ABCG8: variants seen among roughly 807,000 people sequenced by gnomAD.
ABCG8 encodes the protein ATP binding cassette subfamily G member 8.
Under a neutral mutation model 71.3 loss-of-function variants are expected in ABCG8, and 81 were observed. The ratio of observed to expected loss-of-function variants is 1.14; its 90% CI spans 0.95 to 1.37. ABCG8 has a LOEUF of 1.37. Among genes scored for constraint, ABCG8 ranks in the 40% most tolerant of loss-of-function variants. The pLI is 0.00. For missense variants in ABCG8, 1,119 were observed against 866.2 expected, an observed-to-expected ratio of 1.29 and a Z score of -3.66; for synonymous variants, 451 against 354.7, an observed-to-expected ratio of 1.27 and a Z score of -3.05.
rs72796747 is a variant in ABCG8, at chr2:43,853,103, A to G, written c.964+235A>G. ...TACCCTTCTGTGCATGATAGATTAG[A>G]AACTTGCAAACTCCAAAGATGGGAG... On this transcript the variant is annotated intron_variant, in intron 6 of 12. Coordinates refer to ENST00000272286, the MANE Select transcript of ABCG8 (RefSeq NM_022437.3). Among the ~76,000 whole-genome samples the G allele has an allele frequency of 0.052, 7,952 of 151,858 alleles. 256 individuals carry two copies. The highest frequency in any genetic ancestry group is 0.1 in the Middle Eastern group (30 of 290).
intron 6 of ABCG8, among the ~76,000 whole-genome samples, chr2:43,862,252 G>A (rs199940621): frequency 5.9e-5 from 8 of 134,620 alleles, no homozygotes; most frequent in African/African-American, 2.0e-4. Context: ...AGAATTCTCA[G>A]CATCTGGATA....
rs2954805 is a variant in ABCG8, at chr2:43,882,019, G to C, written c.*4106G>C. 53,671 of 152,034 alleles carry C rather than the reference G, an allele frequency of 0.35. 10,343 individuals carry two copies. Among genetic ancestry groups the C allele is most frequent in the East Asian group, 0.79 (4,067 of 5,178 alleles). 9.4% of individuals were successfully genotyped at this position (152,034 alleles called of 1,614,324 possible). On this transcript the variant is annotated 3_prime_UTR_variant, in exon 13 of 13. Coordinates refer to ENST00000272286, the MANE Select transcript of ABCG8 (RefSeq NM_022437.3). The stretch of plus-strand genomic sequence containing the variant: ...GCAGGTTGCTAGATTTGACCTGAGG[G>C]TGTAGTTTGCAGAGCCTTGGTAAAG...
rs1553383620 is a variant in ABCG8, at chr2:43,873,981, C to T, written c.1406C>T (p.Ser469Phe). 2.5e-6 allele frequency: 4 copies of T among 1,613,852 alleles called. No homozygotes were observed. Among genetic ancestry groups the T allele is most frequent in the Non-Finnish European group, 3.4e-6 (4 of 1,180,046 alleles). The change falls in exon 9 of 13, where the codon TCC (serine) becomes TTC (phenylalanine). Residue 469 changes from serine to phenylalanine, a missense_variant. Ser to Phe is a radical substitution (Grantham distance 155). Transcript: ENST00000272286. ...IPFNVILDVI[S>F]KCYSERAMLY... The stretch of plus-strand genomic sequence containing the variant: ...TTCAACGTCATTCTGGATGTCATCT[C>T]CAAATGTGAGTGTGGCCCACTGGCA...
chr2:43,862,976 T>C (rs897468338), intron 6 of ABCG8, among the ~76,000 whole-genome samples: 3 of 151,502 alleles, frequency 2.0e-5, no homozygotes, highest in Admixed American at 1.3e-4. Flanking sequence ...GATAGAATTC[T>C]CACTGTCTGT....
intron 6 of ABCG8, among the ~76,000 whole-genome samples, chr2:43,858,102 C>G (rs1323023205): frequency 6.6e-6 from 1 of 151,458 alleles, no homozygotes; most frequent in African/African-American, 2.4e-5. Flanking sequence ...GTGTGGAACT[C>G]TCACTATTTA....
At chr2:43,840,367 AC>A (rs1393069803) in intron 1 of ABCG8, among the ~76,000 whole-genome samples, 1 of 152,200 alleles carries the variant, frequency 6.6e-6, no homozygotes, top group Non-Finnish European at 1.5e-5. Context: ...AGTCAGCGGG[AC>A]TTTGGGAACA....
At position 43,880,342 on chromosome 2, in the gene ABCG8, T is replaced by A. The variant is rs1440290803; in HGVS notation, c.*2429T>A. ...GTGCCCACCACCACACCTGGCTAAT[T>A]TTTGTATTTTTAGTAAAGACAGTGT... On this transcript the variant is annotated 3_prime_UTR_variant, in exon 13 of 13. Coordinates refer to ENST00000272286, the MANE Select transcript of ABCG8 (RefSeq NM_022437.3). The A allele has an allele frequency of 6.6e-6, 1 of 151,104 alleles. No individual in the cohort carries two copies. The highest frequency in any genetic ancestry group is 1.5e-5 in the Non-Finnish European group (1 of 67,810). 9.4% of individuals were successfully genotyped at this position (151,104 alleles called of 1,614,324 possible).
At chr2:43,852,507 T>C (rs1372416910) in intron 5 of ABCG8, 21 bp downstream of exon 5, 1 of 1,613,384 alleles carries the variant, frequency 6.2e-7, no homozygotes, top group Non-Finnish European at 8.5e-7. Context: ...GGGGGGCAGA[T>C]GGGGGCAGAG....
chr2:43,860,789 TCTCACCCTCTGGATAGAAC>T, intron 6 of ABCG8, among the ~76,000 whole-genome samples: 8 of 136,994 alleles, frequency 5.8e-5, no homozygotes, highest in Non-Finnish European at 9.7e-5. Flanking sequence ...TGTATAGAAT[TCTCACCCTCTGGATAGAAC>T]TGTCACTATC....
intron 6 of ABCG8, among the ~76,000 whole-genome samples, chr2:43,855,883 T>C (rs1669087282): frequency 6.6e-6 from 1 of 152,196 alleles, no homozygotes; most frequent in Non-Finnish European, 1.5e-5. Context: ...GAACTCTCAC[T>C]ATCTGTCTGG....
At chr2:43,864,869 C>CTCTCACTGTCTATCT (rs1329779581) in intron 6 of ABCG8, among the ~76,000 whole-genome samples, 1 of 149,740 alleles carries the variant, frequency 6.7e-6, no homozygotes, top group Non-Finnish European at 1.5e-5. Flanking sequence ...TCTATCTGGA[C>CTCTCACTGTCTATCT]GGAATTCTCA....
chr2:43,870,671 C>T (rs1160987814), intron 6 of ABCG8, among the ~76,000 whole-genome samples: 1 of 152,040 alleles, frequency 6.6e-6, no homozygotes, highest in Non-Finnish European at 1.5e-5. Flanking sequence ...ATAGAACTCT[C>T]ACTATATGGG....
At position 43,879,603 on chromosome 2, in the gene ABCG8, C is replaced by T. The variant is rs1000774678; in HGVS notation, c.*1690C>T. 2.6e-5 allele frequency: 4 copies of T among 152,254 alleles called. No individual in the cohort carries two copies. Among genetic ancestry groups the T allele is most frequent in the African/African-American group, 9.6e-5 (4 of 41,454 alleles). The allele number at this position is 152,254 out of a possible 1,614,324, so 9.4% of individuals were successfully genotyped here. On this transcript the variant is annotated 3_prime_UTR_variant, in exon 13 of 13. Coordinates refer to ENST00000272286, the MANE Select transcript of ABCG8 (RefSeq NM_022437.3). ...CTGCAGACCCCATTCTTGAGATTGA[C>T]TGGGAGTTCCTATCATGTCCTCCAT...
chr2:43,844,572 G>C lies in ABCG8; in HGVS notation c.129G>C (p.Gln43His). 6.2e-7 allele frequency: 1 copy of C among 1,614,174 alleles called. No individual in the cohort carries two copies. Among genetic ancestry groups the C allele is most frequent in the East Asian group, 2.2e-5 (1 of 44,886 alleles). ...DNSLYFTYSG[Q>H]PNTLEVRDLN... ...GCCTGTACTTCACCTACAGTGGCCA[G>C]CCCAACACCCTGGAGGTCAGAGACC... The change falls in exon 2 of 13, where the codon CAG (glutamine) becomes CAC (histidine). Residue 43 changes from glutamine to histidine, a missense_variant. Coordinates refer to ENST00000272286, the MANE Select transcript of ABCG8 (RefSeq NM_022437.3).
intron 11 of ABCG8, among the ~76,000 whole-genome samples, chr2:43,875,980 C>T (rs976397212): frequency 1.3e-5 from 2 of 152,180 alleles, no homozygotes; most frequent in Admixed American, 6.5e-5. Context: ...ATGTCATGCC[C>T]GCCTTCCATG....
At chr2:43,843,835 G>A (rs529355884) in intron 1 of ABCG8, among the ~76,000 whole-genome samples, 1 of 151,956 alleles carries the variant, frequency 6.6e-6, no homozygotes, top group Admixed American at 6.6e-5. Context: ...CCACCACTTC[G>A]ACAATAACAA....
chr2:43,852,722 G>A lies in ABCG8; in HGVS notation c.818G>A (p.Arg273His), dbSNP rs775468682. Reference protein sequence around the residue: ...RLVLISLHQPRSDIFRLFDLV... With the variant: ...RLVLISLHQPHSDIFRLFDLV... The stretch of plus-strand genomic sequence containing the variant: ...GTGCTCATCTCCCTCCACCAGCCTC[G>A]CTCTGACATCTTCAGGCTGTTTGAT... The change falls in exon 6 of 13, where the codon CGC becomes CAC. Residue 273 changes from arginine to histidine, a missense_variant. Physicochemically the swap from Arg to His is conservative, Grantham distance 29. Transcript: ENST00000272286. The A allele has an allele frequency of 9.9e-6, 16 of 1,614,136 alleles. No homozygotes were observed. Among genetic ancestry groups the A allele is most frequent in the East Asian group, 6.7e-5 (3 of 44,876 alleles).
chr2:43,869,739 A>G (rs1448374218), intron 6 of ABCG8, among the ~76,000 whole-genome samples: 1 of 152,052 alleles, frequency 6.6e-6, no homozygotes, highest in African/African-American at 2.4e-5. Flanking sequence ...CACCATCTGG[A>G]TAGAAGTGTC....
chr2:43,874,014 G>A, intron 9 of ABCG8, 28 bp downstream of exon 9: 1 of 1,612,076 alleles, frequency 6.2e-7, no homozygotes. Context: ...GCATGGGCAG[G>A]CAGGACCTCA....
Sources: allele counts gnomAD v4.1 joint callset (sites outside exome capture counted in the v4.1 genomes callset), GRCh38; gene constraint gnomAD v4.1.1; transcripts MANE v1.5; gene names NCBI Gene and HGNC (gene_info 2026-07-23, HGNC 2026-07-21).